Variants in SPECC1L observed in about 807,000 individuals in gnomAD.
The protein encoded by SPECC1L is cytospin-A.
Under a neutral mutation model 116.8 loss-of-function variants are expected in SPECC1L, and 40 were observed. That is an observed-to-expected ratio of 0.34 (90% CI 0.27 to 0.45). SPECC1L has a LOEUF of 0.45. Ranked by LOEUF, SPECC1L falls within the 20% of genes least tolerant of loss-of-function variation. The pLI is 1.00. For missense variants in SPECC1L, 1,110 were observed against 1,373.6 expected, an observed-to-expected ratio of 0.81 and a Z score of 3.03; for synonymous variants, 504 against 500.6, an observed-to-expected ratio of 1.01 and a Z score of -0.09.
At chr22:24,383,133 C>T (rs1161823873) in intron 14 of SPECC1L, among the ~76,000 whole-genome samples, 1 of 152,136 alleles carries the variant, frequency 6.6e-6, no homozygotes, top group African/African-American at 2.4e-5. Context: ...AGAATTATGT[C>T]CTACAAATAA....
At position 24,416,961 on chromosome 22, in the gene SPECC1L, A is replaced by G. The variant is rs1348740966; in HGVS notation, c.*2338A>G. On this transcript the variant is annotated 3_prime_UTR_variant, in exon 17 of 17. Transcript: ENST00000314328. ...CTGCAAGGGAGAGGGTTCCAGAAGC[A>G]TTGCCTTTTGCCTCGTCTAATAGGA... 1.3e-5 allele frequency: 2 copies of G among 152,354 alleles called. No individual in the cohort carries two copies. The highest frequency in any genetic ancestry group is 2.9e-5 in the Non-Finnish European group (2 of 68,072). 9.4% of individuals were successfully genotyped at this position (152,354 alleles called of 1,614,324 possible).
At chr22:24,307,431 T>C (rs1050221278) in intron 3 of SPECC1L, among the ~76,000 whole-genome samples, 1 of 152,162 alleles carries the variant, frequency 6.6e-6, no homozygotes, top group Non-Finnish European at 1.5e-5. Flanking sequence ...ATGCTGCATG[T>C]ATATTCCCCC....
rs1200076892 is a variant in SPECC1L at position 24,365,011 on chromosome 22, G to GT, written c.2828-459dup. Among the ~76,000 whole-genome samples, 32 of 152,054 alleles carry GT rather than the reference G, an allele frequency of 2.1e-4. No homozygotes were observed. The South Asian group carries it at 4.1e-3, about 20-fold the overall frequency. ...CTTTTCACAGTTTTTTTGTTTGTTT[G>GT]TTTTTTGTTTTTGAGATGGAGTCTC... is the stretch of plus-strand genomic sequence containing the variant. On this transcript the variant is annotated intron_variant, in intron 12 of 16. Transcript: ENST00000314328.
At chr22:24,380,150 C>G (rs1276279251) in intron 14 of SPECC1L, among the ~76,000 whole-genome samples, 3 of 152,304 alleles carry the variant, frequency 2.0e-5, no homozygotes, top group Admixed American at 1.3e-4. Context: ...GGATTAAAGG[C>G]GTGAGCCACT....
chr22:24,399,205 C>CT (rs952119974), intron 14 of SPECC1L, among the ~76,000 whole-genome samples: 8 of 152,182 alleles, frequency 5.3e-5, no homozygotes, highest in Non-Finnish European at 1.0e-4. Context: ...TAATCCCTAG[C>CT]TCTTAGGGTG....
At position 24,307,457 on chromosome 22, in the gene SPECC1L, C is replaced by T. The variant is rs76070375; in HGVS notation, c.153+5073C>T. On this transcript the variant is annotated intron_variant, in intron 3 of 16. Transcript: ENST00000314328. ...ATATTCCCCCACTCTGCCTTGCTTT[C>T]GCTCTCTTCTCTCCCCTCCCCTCCA... 8.7e-3 allele frequency among the ~76,000 whole-genome samples: 1,326 copies of T among 152,108 alleles called. 21 individuals carry two copies. Among genetic ancestry groups the T allele is most frequent in the African/African-American group, 0.03 (1,259 of 41,470 alleles).
At chr22:24,379,505 G>C (rs1238035014) in intron 14 of SPECC1L, among the ~76,000 whole-genome samples, 1 of 152,052 alleles carries the variant, frequency 6.6e-6, no homozygotes, top group East Asian at 1.9e-4. Context: ...ATTCTTCTAT[G>C]TTTACCTTAA....
At chr22:24,317,501 C>T (rs1275576412) in intron 4 of SPECC1L, among the ~76,000 whole-genome samples, 2 of 133,288 alleles carry the variant, frequency 1.5e-5, no homozygotes, top group African/African-American at 5.3e-5. Flanking sequence ...CCCCACCTCC[C>T]TCCCGGACGG....
intron 14 of SPECC1L, 38 bp from the exon 15 acceptor site, chr22:24,411,550 G>C: frequency 1.3e-6 from 2 of 1,576,470 alleles, no homozygotes; most frequent in East Asian, 2.2e-5. Context: ...GAGGGTCCCA[G>C]CATGTGTTGG....
chr22:24,354,940 G>C (rs1220427478), intron 11 of SPECC1L, among the ~76,000 whole-genome samples: 1 of 150,646 alleles, frequency 6.6e-6, no homozygotes. Flanking sequence ...ATAAGCCACT[G>C]CACCCAGCCA....
intron 14 of SPECC1L, among the ~76,000 whole-genome samples, chr22:24,402,854 CAAATT>C (rs1170602810): frequency 1.3e-5 from 2 of 152,324 alleles, no homozygotes; most frequent in Admixed American, 6.5e-5. Flanking sequence ...AAACTTCAAA[CAAATT>C]AAAACATTTA....
intron 2 of SPECC1L, among the ~76,000 whole-genome samples, chr22:24,299,653 T>G (rs2049336499): frequency 6.6e-6 from 1 of 152,234 alleles, no homozygotes; most frequent in Non-Finnish European, 1.5e-5. Flanking sequence ...GAAGTCCTTG[T>G]TCGACTTACA....
At chr22:24,305,925 T>G (rs1005529230) in intron 3 of SPECC1L, among the ~76,000 whole-genome samples, 2 of 140,858 alleles carry the variant, frequency 1.4e-5, no homozygotes, top group African/African-American at 5.2e-5. Flanking sequence ...TCATACAATC[T>G]TTTTTTTTTT....
At chr22:24,378,678 C>G (rs893181624) in intron 14 of SPECC1L, among the ~76,000 whole-genome samples, 1 of 152,066 alleles carries the variant, frequency 6.6e-6, no homozygotes, top group African/African-American at 2.4e-5. Flanking sequence ...AATAGGGAAG[C>G]CCAAGGAGAG....
intron 14 of SPECC1L, among the ~76,000 whole-genome samples, chr22:24,377,292 T>C (rs1292843306): frequency 6.6e-6 from 1 of 152,182 alleles, no homozygotes; most frequent in Non-Finnish European, 1.5e-5. Flanking sequence ...GGGGGGGTTA[T>C]TATAAATGTC....
At chr22:24,323,760 C>G (rs567424748) in intron 5 of SPECC1L, among the ~76,000 whole-genome samples, 1 of 152,196 alleles carries the variant, frequency 6.6e-6, no homozygotes, top group South Asian at 2.1e-4. Context: ...TGTATTAGTT[C>G]TTGGCACATA....
intron 11 of SPECC1L, among the ~76,000 whole-genome samples, chr22:24,355,836 T>A (rs550358816): frequency 9.1e-4 from 138 of 152,046 alleles, no homozygotes; most frequent in African/African-American, 3.2e-3. Context: ...GTTTTTTTTT[T>A]AATTTACATA....
In SPECC1L at chr22:24,301,926, G is replaced by T. The variant is rs1471251710; in HGVS notation, c.-37-269G>T. Among the ~76,000 whole-genome samples the T allele has an allele frequency of 2.0e-5, 3 of 152,086 alleles. No homozygotes were observed. In the East Asian group the frequency reaches 5.8e-4, roughly 29 times the overall value. On this transcript the variant is annotated intron_variant, in intron 2 of 16. Coordinates refer to ENST00000314328, the MANE Select transcript of SPECC1L (RefSeq NM_015330.6). ...CCGGGCGTGGTGGTGGGTGCCTGTA[G>T]TCCCAACTACTCGGAAGGCTGAGGC...
In SPECC1L at chr22:24,386,297, A is replaced by G. The variant is rs546785062; in HGVS notation, c.3087+16977A>G. 1.2e-4 allele frequency among the ~76,000 whole-genome samples: 19 copies of G among 152,188 alleles called. No homozygotes were observed. In the Middle Eastern group the frequency reaches 0.01, roughly 82 times the overall value. ...ACAAGACCCTGCTCTCATCACTTCTATTCAGTTTTGTATGTAAAGCTCTAT... is the reference window on the plus strand; with the variant it reads ...ACAAGACCCTGCTCTCATCACTTCTGTTCAGTTTTGTATGTAAAGCTCTAT... On this transcript the variant is annotated intron_variant, in intron 14 of 16. Transcript: ENST00000314328.
Sources: gnomAD v4.1 joint callset for allele counts (sites outside exome capture counted in the v4.1 genomes callset) on GRCh38, gnomAD v4.1.1 for gene constraint, MANE v1.5 for transcripts, NCBI Gene and HGNC (gene_info 2026-07-23, HGNC 2026-07-21) for gene names.